The following RGS13 variants were observed in gnomAD, a reference collection of about 807,000 sequenced individuals.
The protein encoded by RGS13 is regulator of G-protein signalling 13.
RGS13 carries 14 observed loss-of-function variants against 19.9 expected under a neutral mutation model. The observed-to-expected ratio is 0.70, with a 90% CI of 0.46 to 1.10. The LOEUF (loss-of-function observed/expected upper bound fraction) is 1.10, where lower values mean the gene tolerates loss of function less well. Among genes scored for constraint, RGS13 ranks in the 50% least tolerant of loss-of-function variants. The pLI, the probability that RGS13 is intolerant of heterozygous loss-of-function variation, is 0.00. For missense variants in RGS13, 205 were observed against 187.1 expected, an observed-to-expected ratio of 1.10 and a Z score of -0.56; for synonymous variants, 60 against 56.8, an observed-to-expected ratio of 1.06 and a Z score of -0.25.
At chr1:192,655,760 T>C (rs919164350) in intron 5 of RGS13, among the ~76,000 whole-genome samples, 1 of 152,022 alleles carries the variant, frequency 6.6e-6, no homozygotes, top group African/African-American at 2.4e-5. Context: ...GCAGTATATA[T>C]AGAATACCAT....
intron 4 of RGS13, chr1:192,646,807 C>T (rs1009268761): frequency 1.3e-5 from 2 of 152,134 alleles, no homozygotes; most frequent in African/African-American, 4.8e-5. Flanking sequence ...CAGCTCCATT[C>T]ATGTCCCTGC....
At chr1:192,644,267 C>T in intron 3 of RGS13, 64 bp from the exon 4 acceptor site, 1 of 1,169,656 alleles carries the variant, frequency 8.5e-7, no homozygotes, top group Non-Finnish European at 1.2e-6. Flanking sequence ...TCCTTAGAAA[C>T]TGACTGTAAC....
At chr1:192,647,869 T>A in intron 4 of RGS13, 57 bp from the exon 5 acceptor site, 1 of 1,161,732 alleles carries the variant, frequency 8.6e-7, no homozygotes, top group Non-Finnish European at 1.2e-6. Context: ...TTTACTTAGT[T>A]CAACAAAAAC....
At chr1:192,644,591 A>T (rs1282534794) in intron 4 of RGS13, 192 bp downstream of exon 4, 1 of 516,074 alleles carries the variant, frequency 1.9e-6, no homozygotes, top group Non-Finnish European at 3.5e-6. Context: ...CATGGTTTAC[A>T]CTTGAGAATT....
chr1:192,641,810 T>C (rs1438087568), intron 3 of RGS13, among the ~76,000 whole-genome samples: 1 of 152,196 alleles, frequency 6.6e-6, no homozygotes, highest in African/African-American at 2.4e-5. Flanking sequence ...GCTCCTCTTA[T>C]GTGTTTTATG....
chr1:192,642,066 A>G (rs889755090), intron 3 of RGS13, among the ~76,000 whole-genome samples: 1 of 152,024 alleles, frequency 6.6e-6, no homozygotes, highest in African/African-American at 2.4e-5. Context: ...TCTACTCACA[A>G]ACCCATTTCA....
chr1:192,658,441 TA>T, intron 6 of RGS13, 74 bp downstream of exon 6: 1 of 1,407,860 alleles, frequency 7.1e-7, no homozygotes, highest in South Asian at 1.3e-5. Flanking sequence ...CAAGCATCCA[TA>T]AGTGCCAGGC....
chr1:192,655,950 T>C (rs762169229), intron 5 of RGS13, among the ~76,000 whole-genome samples: 4 of 152,030 alleles, frequency 2.6e-5, no homozygotes, highest in African/African-American at 4.8e-5. Flanking sequence ...CAAAGGACTT[T>C]GGTATGACAA....
At chr1:192,641,200 AAAGGAAAGAAAGAAAGAAAGAG>A (rs1558049007) in intron 3 of RGS13, among the ~76,000 whole-genome samples, 1,194 of 93,254 alleles carry the variant, frequency 0.013, 17 homozygotes, top group East Asian at 0.1. Flanking sequence ...AAAAAAGAAA[AAAGGAAAGAAAGAAAGAAAGAG>A]AGAAAGAAAG....
chr1:192,657,783 C>T (rs1044140820), intron 5 of RGS13, among the ~76,000 whole-genome samples: 1 of 152,104 alleles, frequency 6.6e-6, no homozygotes, highest in East Asian at 1.9e-4. Context: ...CCTTGACCTA[C>T]AAGTTTACAT....
chr1:192,648,205 T>A (rs942864144), intron 5 of RGS13, among the ~76,000 whole-genome samples: 15 of 152,184 alleles, frequency 9.9e-5, no homozygotes, highest in African/African-American at 3.6e-4. Flanking sequence ...CTGTGAATAT[T>A]CTTCACAAGT....
intron 4 of RGS13, chr1:192,646,167 C>A (rs1663216933): frequency 1.3e-5 from 2 of 152,156 alleles, no homozygotes; most frequent in South Asian, 4.1e-4. Flanking sequence ...CTGATGCAAG[C>A]AGTCCATCCA....
chr1:192,649,733 G>C (rs1571583929), intron 5 of RGS13, among the ~76,000 whole-genome samples: 1 of 151,954 alleles, frequency 6.6e-6, no homozygotes. Flanking sequence ...TCTCCTCCAG[G>C]CTTTTGTTCA....
intron 3 of RGS13, among the ~76,000 whole-genome samples, chr1:192,641,306 G>GAAAGAAAGAAAGAAAGAAAGAAAGAA (rs201039158): frequency 1.9e-5 from 2 of 105,512 alleles, no homozygotes; most frequent in Admixed American, 1.0e-4. Context: ...AAGAAAGAAA[G>GAAAGAAAGAAAGAAAGAAAGAAAGAA]AAAAGAAAGA....
rs761333079 is a variant in RGS13 at position 192,658,256 on chromosome 1, T to G, written c.183T>G (p.Ile61Met). 2 of 1,613,380 alleles carry G rather than the reference T, an allele frequency of 1.2e-6. No individual in the cohort carries two copies. The change falls in exon 6 of 7, where the codon ATT (isoleucine) becomes ATG (methionine). Residue 61 changes from isoleucine to methionine, a missense_variant. Transcript: ENST00000391995. ...AAATGGAGCACAGTGACGAGAATAT[T>G]CAATTCTGGATGGCATGTGAAACCT... ...YLKMEHSDENIQFWMACETYK... is the reference protein window; with the variant it reads ...YLKMEHSDENMQFWMACETYK...
At chr1:192,648,497 C>A (rs746586436) in intron 5 of RGS13, among the ~76,000 whole-genome samples, 8 of 152,022 alleles carry the variant, frequency 5.3e-5, no homozygotes, top group Non-Finnish European at 7.4e-5. Flanking sequence ...GTGACAGAGA[C>A]AAAGTCATGG....
intron 5 of RGS13, among the ~76,000 whole-genome samples, chr1:192,650,566 A>G (rs1663318005): frequency 6.6e-6 from 1 of 152,062 alleles, no homozygotes; most frequent in Non-Finnish European, 1.5e-5. Flanking sequence ...AAAAAGAAAT[A>G]TATCAGCCTG....
Position 192,658,059 on chromosome 1 carries a change from T to C in RGS13, c.128-142T>C, listed in dbSNP as rs189924691. On this transcript the variant is annotated intron_variant, in intron 5 of 6. Coordinates refer to ENST00000391995, the MANE Select transcript of RGS13 (RefSeq NM_002927.5). ...TCTAAGTGTGTGATAGACATGAAAA[T>C]TGATATATAGAGATAGATATAAAAT... 2.0e-4 allele frequency: 125 copies of C among 611,862 alleles called. No homozygotes were observed. The African/African-American group carries it at 2.1e-3, about 10-fold the overall frequency. The allele number at this position is 611,862 out of a possible 1,614,324, so 37.9% of individuals were successfully genotyped here. A position where few individuals can be genotyped will look rare whatever the true frequency, so the allele number is the denominator to read the frequency against.
chr1:192,651,202 G>A (rs1571584774), intron 5 of RGS13, among the ~76,000 whole-genome samples: 2 of 152,220 alleles, frequency 1.3e-5, no homozygotes, highest in East Asian at 3.9e-4. Flanking sequence ...AGTGTTTCAG[G>A]AAGGAAGCTG....
Sources: gnomAD v4.1 joint callset for allele counts (sites outside exome capture counted in the v4.1 genomes callset) on GRCh38, gnomAD v4.1.1 for gene constraint, MANE v1.5 for transcripts, NCBI Gene and HGNC (gene_info 2026-07-23, HGNC 2026-07-21) for gene names.